MEIS2: variants seen among roughly 807,000 people sequenced by gnomAD.
MEIS2 encodes the protein Meis homeobox 2, also known as homeobox protein Meis2.
MEIS2 carries 9 observed loss-of-function variants against 58.6 expected under a neutral mutation model. The observed-to-expected ratio is 0.15, with a 90% CI of 0.09 to 0.27. MEIS2 has a LOEUF of 0.27. MEIS2 is among the 10% of genes least tolerant of loss of function. The probability of loss-of-function intolerance (pLI) is 1.00; values close to 1 mark genes in which losing one functional copy is unlikely to be tolerated. For synonymous variants in MEIS2, 221 were observed against 228.4 expected (o/e 0.97, Z 0.29); for missense variants, 427 against 635.0 (o/e 0.67, Z 3.52).
chr15:36,933,412 C>A (rs1290600240), intron 9 of MEIS2, among the ~76,000 whole-genome samples: 1 of 152,066 alleles, frequency 6.6e-6, no homozygotes, highest in Non-Finnish European at 1.5e-5. Flanking sequence ...AAGGACATCT[C>A]CATCTACATC....
At chr15:37,060,714 T>C (rs554992391) in intron 7 of MEIS2, among the ~76,000 whole-genome samples, 4 of 152,220 alleles carry the variant, frequency 2.6e-5, no homozygotes, top group Non-Finnish European at 4.4e-5. Context: ...GATCTCGTAA[T>C]GATTCTAAGC....
At chr15:36,926,993 G>C (rs1375820857) in intron 9 of MEIS2, among the ~76,000 whole-genome samples, 2 of 152,140 alleles carry the variant, frequency 1.3e-5, no homozygotes, top group African/African-American at 4.8e-5. Flanking sequence ...TGCAATACCT[G>C]GATGATAAAT....
intron 8 of MEIS2, among the ~76,000 whole-genome samples, chr15:37,015,960 A>G (rs1198592091): frequency 6.6e-6 from 1 of 152,126 alleles, no homozygotes; most frequent in East Asian, 1.9e-4. Context: ...GGAAGAAATC[A>G]CACACTCCCA....
intron 4 of MEIS2, among the ~76,000 whole-genome samples, chr15:37,095,254 A>C (rs1894083444): frequency 7.2e-6 from 1 of 139,004 alleles, no homozygotes; most frequent in South Asian, 2.6e-4. Context: ...CTGCCCCGGC[A>C]AACAGAGGAA....
rs74011021 is a variant in MEIS2, at chr15:36,927,885, A to G, written c.977+22439T>C. 8.6e-3 allele frequency among the ~76,000 whole-genome samples: 1,315 copies of G among 152,312 alleles called. 14 individuals are homozygous for G. The highest frequency in any genetic ancestry group is 0.028 in the African/African-American group (1,183 of 41,568). ...CTCAATGGTACACATTATAAAACTC[A>G]GGTATTTAAATTTAAATATTTGATA... On this transcript the variant is annotated intron_variant, in intron 9 of 11. Transcript: ENST00000561208.
chr15:37,060,688 T>G (rs888925234), intron 7 of MEIS2, among the ~76,000 whole-genome samples: 6 of 152,218 alleles, frequency 3.9e-5, no homozygotes, highest in African/African-American at 1.4e-4. Context: ...ACAAGGTGAA[T>G]AAAACACATG....
At chr15:37,040,383 C>G (rs1175898578) in intron 7 of MEIS2, among the ~76,000 whole-genome samples, 1 of 152,128 alleles carries the variant, frequency 6.6e-6, no homozygotes, top group African/African-American at 2.4e-5. Context: ...CAAGGGCCCT[C>G]CCCACTTTTT....
chr15:36,974,195 G>T (rs1380120632), intron 8 of MEIS2, among the ~76,000 whole-genome samples: 1 of 152,128 alleles, frequency 6.6e-6, no homozygotes, highest in Non-Finnish European at 1.5e-5. Flanking sequence ...GGCTGATATT[G>T]AATCTATAAT....
chr15:36,967,246 G>T (rs1202451445), intron 8 of MEIS2, among the ~76,000 whole-genome samples: 1 of 152,080 alleles, frequency 6.6e-6, no homozygotes, highest in African/African-American at 2.4e-5. Context: ...AATATTTTGT[G>T]ATGTGTGGTT....
At chr15:36,903,957 A>G (rs991541484) in intron 9 of MEIS2, 1 of 152,218 alleles carries the variant, frequency 6.6e-6, no homozygotes, top group Non-Finnish European at 1.5e-5. Flanking sequence ...TGTGCTATGG[A>G]TATGTCTCTG....
intron 10 of MEIS2, among the ~76,000 whole-genome samples, chr15:36,895,934 A>G (rs1478410681): frequency 6.6e-6 from 1 of 152,168 alleles, no homozygotes; most frequent in Non-Finnish European, 1.5e-5. Flanking sequence ...CCCCAAGGAA[A>G]ACTGTTTTTC....
At chr15:36,974,244 A>C (rs2059666483) in intron 8 of MEIS2, among the ~76,000 whole-genome samples, 1 of 152,210 alleles carries the variant, frequency 6.6e-6, no homozygotes, top group Non-Finnish European at 1.5e-5. Flanking sequence ...GTGAAATTCA[A>C]AAAATGAATT....
chr15:36,998,459 G>T (rs2060608072), intron 8 of MEIS2, among the ~76,000 whole-genome samples: 1 of 151,650 alleles, frequency 6.6e-6, no homozygotes, highest in African/African-American at 2.4e-5. Context: ...GGACTCAAGT[G>T]ATCCTTCCAC....
intron 9 of MEIS2, among the ~76,000 whole-genome samples, chr15:36,912,913 ACCCGTC>A (rs2057105882): frequency 6.6e-6 from 1 of 151,606 alleles, no homozygotes. Flanking sequence ...TGTGTGTTGT[ACCCGTC>A]CCTCAGGCTG....
intron 8 of MEIS2, among the ~76,000 whole-genome samples, chr15:36,960,308 C>T (rs945081793): frequency 3.3e-5 from 5 of 151,420 alleles, no homozygotes; most frequent in African/African-American, 9.7e-5. Context: ...TGGATAGTAT[C>T]TTCTTTGCTC....
At chr15:37,008,850 T>A (rs2061017195) in intron 8 of MEIS2, among the ~76,000 whole-genome samples, 1 of 152,132 alleles carries the variant, frequency 6.6e-6, no homozygotes, top group South Asian at 2.1e-4. Context: ...CATATTTAGG[T>A]ATAAAGGAGA....
chr15:36,970,403 C>CA (rs35719378), intron 8 of MEIS2, among the ~76,000 whole-genome samples: 53,463 of 135,514 alleles, frequency 0.39, 10,234 homozygotes, highest in Non-Finnish European at 0.43. Flanking sequence ...GACTCCGTCT[C>CA]AAAAAAAAAA....
chr15:36,968,270 G>C (rs1291988769), intron 8 of MEIS2, among the ~76,000 whole-genome samples: 2 of 152,162 alleles, frequency 1.3e-5, no homozygotes, highest in Non-Finnish European at 2.9e-5. Context: ...ATCATACGGA[G>C]AAAATTTTCT....
chr15:37,007,395 A>G (rs1467842929), intron 8 of MEIS2, among the ~76,000 whole-genome samples: 1 of 152,168 alleles, frequency 6.6e-6, no homozygotes, highest in Non-Finnish European at 1.5e-5. Context: ...AAAGAAAGAA[A>G]AAGAGAATTC....
Sources: gnomAD v4.1 joint callset for allele counts (sites outside exome capture counted in the v4.1 genomes callset) on GRCh38, gnomAD v4.1.1 for gene constraint, MANE v1.5 for transcripts, NCBI Gene and HGNC (gene_info 2026-07-23, HGNC 2026-07-21) for gene names.